The following STXBP3 variants were observed in gnomAD, a reference collection of about 807,000 sequenced individuals.
STXBP3 encodes syntaxin-binding protein 3.
In STXBP3, 41 loss-of-function variants were observed where a neutral mutation model predicts 85.7. That is an observed-to-expected ratio of 0.48 (90% CI 0.37 to 0.62). STXBP3 has a LOEUF of 0.62. Among genes scored for constraint, STXBP3 ranks in the 20% least tolerant of loss-of-function variants. STXBP3 has a pLI of 0.00. For synonymous variants in STXBP3, 229 were observed against 231.7 expected (o/e 0.99, Z 0.10); for missense variants, 563 against 703.1 (o/e 0.80, Z 2.25).
At chr1:108,769,660 G>T (rs1662340390) in intron 6 of STXBP3, among the ~76,000 whole-genome samples, 1 of 152,174 alleles carries the variant, frequency 6.6e-6, no homozygotes, top group South Asian at 2.1e-4. Context: ...GATGGTGATG[G>T]AAAGTGGGGA....
chr1:108,755,536 TGATA>T (rs1557800062), intron 3 of STXBP3, among the ~76,000 whole-genome samples: 1 of 152,118 alleles, frequency 6.6e-6, no homozygotes, highest in African/African-American at 2.4e-5. Flanking sequence ...TTTAGTTGTT[TGATA>T]GATGTGTATT....
At chr1:108,792,371 T>G (rs1662994035) in intron 11 of STXBP3, among the ~76,000 whole-genome samples, 2 of 152,206 alleles carry the variant, frequency 1.3e-5, no homozygotes, top group Admixed American at 6.5e-5. Flanking sequence ...TGTTCTTTTC[T>G]TAGCTTTTTT....
intron 3 of STXBP3, 142 bp downstream of exon 3, chr1:108,753,286 T>C: frequency 3.9e-6 from 2 of 508,562 alleles, no homozygotes; most frequent in East Asian, 6.9e-5. Context: ...TAACATTCTT[T>C]TCTCTGAATC....
chr1:108,785,348 G>A (rs1038954563), intron 11 of STXBP3, among the ~76,000 whole-genome samples: 6 of 152,126 alleles, frequency 3.9e-5, no homozygotes, highest in African/African-American at 1.4e-4. Flanking sequence ...CCAACACCAC[G>A]TGTAAGCCAC....
chr1:108,789,415 A>T (rs1199068493), intron 11 of STXBP3, among the ~76,000 whole-genome samples: 1 of 152,188 alleles, frequency 6.6e-6, no homozygotes, highest in Non-Finnish European at 1.5e-5. Flanking sequence ...AGGGAAGCCA[A>T]AATATCGGAC....
rs1663058638 is a variant in STXBP3 at position 108,794,879 on chromosome 1, A to G, written c.1082A>G (p.Asn361Ser). Residue 361 changes from asparagine (N) to serine (S), a missense_variant, in exon 13 of 19, where the codon AAT becomes AGT. Around this residue, in one of 3 missense-constraint regions of STXBP3, gnomAD observed 494 missense variants for 592.8 expected, o/e 0.83. Coordinates refer to ENST00000370008, the MANE Select transcript of STXBP3 (RefSeq NM_007269.4). ...AEDCMNKFKL[N>S]IEKLCKTEQD... is the part of the protein sequence containing the mutation. ...GATTGCATGAATAAGTTCAAGCTTA[A>G]TATAGAAAAGCTCTGCAAAACTGAA... The G allele has an allele frequency of 6.2e-7, 1 of 1,609,292 alleles. No individual in the cohort carries two copies. The highest frequency in any genetic ancestry group is 8.5e-7 in the Non-Finnish European group (1 of 1,177,432).
At chr1:108,756,925 T>A in intron 4 of STXBP3, 159 bp downstream of exon 4, 1 of 423,986 alleles carries the variant, frequency 2.4e-6, no homozygotes, top group Non-Finnish European at 4.2e-6. Context: ...AGAAGATTAT[T>A]TGCATTCTTC....
chr1:108,764,217 A>G (rs1255106983), intron 6 of STXBP3, among the ~76,000 whole-genome samples: 1 of 152,110 alleles, frequency 6.6e-6, no homozygotes. Flanking sequence ...ACATAATCTC[A>G]TTCTTTTTTA....
chr1:108,777,695 A>G (rs1280689027), intron 8 of STXBP3, among the ~76,000 whole-genome samples: 2 of 152,172 alleles, frequency 1.3e-5, no homozygotes, highest in Non-Finnish European at 2.9e-5. Flanking sequence ...TGCCTGGAAA[A>G]TTAATCATCC....
intron 18 of STXBP3, among the ~76,000 whole-genome samples, chr1:108,808,476 C>T (rs937581145): frequency 6.6e-6 from 1 of 152,202 alleles, no homozygotes; most frequent in African/African-American, 2.4e-5. Context: ...TATTATTGAA[C>T]AATAACTGTT....
At chr1:108,771,744 AAT>A (rs1224372662) in intron 6 of STXBP3, among the ~76,000 whole-genome samples, 1 of 42,300 alleles carries the variant, frequency 2.4e-5, no homozygotes, top group Non-Finnish European at 4.5e-5. Flanking sequence ...ATCATATATA[AAT>A]ATATATGATA....
intron 4 of STXBP3, 33 bp downstream of exon 4, chr1:108,756,799 A>G (rs1398581633): frequency 6.0e-6 from 9 of 1,488,488 alleles, no homozygotes; most frequent in Non-Finnish European, 8.3e-6. Context: ...AAGCAGGTTC[A>G]TCAATATTTC....
chr1:108,772,261 ATG>A (rs1662471923), intron 6 of STXBP3, among the ~76,000 whole-genome samples: 1 of 74,864 alleles, frequency 1.3e-5, no homozygotes, highest in Admixed American at 1.7e-4. Context: ...ATAAATACAT[ATG>A]ATATCTATCT....
chr1:108,756,638 A>C, intron 3 of STXBP3, 52 bp from the exon 4 acceptor site: 1 of 1,010,806 alleles, frequency 9.9e-7, no homozygotes, highest in South Asian at 2.3e-5. Context: ...TTTAAAAATT[A>C]TTTTAAGTAT....
Position 108,779,333 on chromosome 1 carries a change from T to C in STXBP3, c.732T>C (p.Pro244=). 1 of 1,613,276 alleles carries C rather than the reference T, an allele frequency of 6.2e-7. No individual in the cohort carries two copies. Among genetic ancestry groups the C allele is most frequent in the Non-Finnish European group, 8.5e-7 (1 of 1,179,470 alleles). The change falls in exon 9 of 19, where the codon CCT becomes CCC. Residue 244 remains proline, a synonymous_variant. Coordinates refer to ENST00000370008, the MANE Select transcript of STXBP3 (RefSeq NM_007269.4). ...TAATAATTGATCGTGGCTTTGATCC[T>C]GTGTCCACTGTCCTGCATGAACTGA... is the stretch of plus-strand genomic sequence containing the variant. The part of the protein sequence containing the change: ...QLLIIDRGFD[P]VSTVLHELTF...
intron 1 of STXBP3, among the ~76,000 whole-genome samples, chr1:108,750,368 C>T (rs1224877301): frequency 6.6e-6 from 1 of 152,010 alleles, no homozygotes; most frequent in Admixed American, 6.6e-5. Flanking sequence ...TTAAATATTT[C>T]GGACTTTCAC....
chr1:108,801,892 C>T (rs988502472), intron 17 of STXBP3, among the ~76,000 whole-genome samples: 3 of 151,918 alleles, frequency 2.0e-5, no homozygotes, highest in Non-Finnish European at 2.9e-5. Flanking sequence ...TGGTCTTGAA[C>T]TCCTGGGCTC....
rs148947683 is a variant in STXBP3, at chr1:108,809,083, G to T, written c.*206G>T. 1.2e-4 allele frequency: 52 copies of T among 445,100 alleles called. No homozygotes were observed. The East Asian group carries it at 2.0e-3, about 17-fold the overall frequency. The allele number at this position is 445,100 out of a possible 1,614,324, so 27.6% of individuals were successfully genotyped here. A position where few individuals can be genotyped will look rare whatever the true frequency, so the allele number is the denominator to read the frequency against. ...ATTGCTGCTGCTTTGTAGATGATGAGAAGAAATGTTAAAGTGCTTTCTAAA... is the reference window on the plus strand; with the variant it reads ...ATTGCTGCTGCTTTGTAGATGATGATAAGAAATGTTAAAGTGCTTTCTAAA... On this transcript the variant is annotated 3_prime_UTR_variant, in exon 19 of 19. Transcript: ENST00000370008.
intron 17 of STXBP3, among the ~76,000 whole-genome samples, chr1:108,807,143 T>C (rs940630405): frequency 6.6e-6 from 1 of 151,294 alleles, no homozygotes; most frequent in Non-Finnish European, 1.5e-5. Context: ...TCCTAGCTAC[T>C]CGGGAGGCTG....
Sources: gnomAD v4.1 joint callset for allele counts (sites outside exome capture counted in the v4.1 genomes callset) on GRCh38, gnomAD v4.1.1 for gene constraint, gnomAD v4.1.1 regional missense constraint, MANE v1.5 for transcripts, NCBI Gene and HGNC (gene_info 2026-07-23, HGNC 2026-07-21) for gene names.